Variants in GYS2 observed in about 807,000 individuals in gnomAD.
GYS2 encodes the protein glycogen [starch] synthase, liver.
In GYS2, 80 loss-of-function variants were observed where a neutral mutation model predicts 85.6. That is an observed-to-expected ratio of 0.93 (90% confidence interval 0.78 to 1.13). GYS2 has a LOEUF of 1.13. Ranked by LOEUF, GYS2 falls within the 50% of genes most tolerant of loss-of-function variation. The pLI, the probability that GYS2 is intolerant of heterozygous loss-of-function variation, is 0.00. For missense variants in GYS2, 881 were observed against 854.9 expected (o/e 1.03, Z -0.38); for synonymous variants, 328 against 300.7 (o/e 1.09, Z -0.94).
intron 2 of GYS2, among the ~76,000 whole-genome samples, chr12:21,576,598 G>A (rs1944449895): frequency 6.6e-6 from 1 of 152,060 alleles, no homozygotes; most frequent in Non-Finnish European, 1.5e-5. Context: ...TGCTGCCAGA[G>A]GTTTAACTAA....
At chr12:21,552,511 A>T (rs1041546418) in intron 11 of GYS2, among the ~76,000 whole-genome samples, 1 of 152,194 alleles carries the variant, frequency 6.6e-6, no homozygotes, top group South Asian at 2.1e-4. Flanking sequence ...TTATTGCCAA[A>T]TTTTTGAAGA....
chr12:21,563,584 G>A (rs967395495), intron 5 of GYS2, among the ~76,000 whole-genome samples: 1 of 152,068 alleles, frequency 6.6e-6, no homozygotes, highest in Non-Finnish European at 1.5e-5. Context: ...TAACAATGAA[G>A]CACTGGTACA....
intron 1 of GYS2, among the ~76,000 whole-genome samples, chr12:21,603,604 G>A (rs369688240): frequency 8.5e-5 from 13 of 152,156 alleles, no homozygotes; most frequent in South Asian, 8.3e-4. Context: ...ATTTCAGATC[G>A]TTTAAATCAC....
Position 21,580,221 on chromosome 12 carries a change from C to T in GYS2, c.303+121G>A, listed in dbSNP as rs980080408. ...TTAAAAGCAAGTTCATCATCTTTCT[C>T]ACAAACCTGAAAGTTTTCCTTAAGT... On this transcript the variant is annotated intron_variant, in intron 2 of 15. Transcript: ENST00000261195. 6.6e-6 allele frequency: 6 copies of T among 911,826 alleles called. No homozygotes were observed. The African/African-American group carries it at 9.7e-5, about 15-fold the overall frequency. 56.5% of individuals were successfully genotyped at this position (911,826 alleles called of 1,614,324 possible). A position where few individuals can be genotyped will look rare whatever the true frequency, so the allele number is the denominator to read the frequency against.
At position 21,536,801 on chromosome 12, in the gene GYS2, T is replaced by G. The variant is rs1325702759; in HGVS notation, c.*153A>C. 1.5e-6 allele frequency: 1 copy of G among 646,944 alleles called. No homozygotes were observed. The highest frequency in any genetic ancestry group is 1.8e-5 in the African/African-American group (1 of 55,024). 40.1% of individuals were successfully genotyped at this position (646,944 alleles called of 1,614,324 possible). On this transcript the variant is annotated 3_prime_UTR_variant, in exon 16 of 16. Coordinates refer to ENST00000261195, the MANE Select transcript of GYS2 (RefSeq NM_021957.4). ...TGGATCTTATCCTAAATTACAAAAT[T>G]GTCATTCACTCAATTTCTTCCACTT...
chr12:21,548,850 C>T (rs2136855410), intron 11 of GYS2, among the ~76,000 whole-genome samples: 1 of 152,052 alleles, frequency 6.6e-6, no homozygotes, highest in Non-Finnish European at 1.5e-5. Flanking sequence ...GTATTTTGCC[C>T]AACATGCTAT....
chr12:21,560,995 T>C (rs1183943051), intron 7 of GYS2, among the ~76,000 whole-genome samples: 1 of 152,204 alleles, frequency 6.6e-6, no homozygotes, highest in Non-Finnish European at 1.5e-5. Context: ...GACAGATAGA[T>C]TATTTTTACT....
intron 1 of GYS2, among the ~76,000 whole-genome samples, chr12:21,582,051 A>C (rs1944515754): frequency 6.6e-6 from 1 of 151,826 alleles, no homozygotes; most frequent in African/African-American, 2.4e-5. Context: ...GAATCAACAG[A>C]GTAAACGGAT....
intron 13 of GYS2, 52 bp downstream of exon 13, chr12:21,542,444 T>A: frequency 9.3e-7 from 1 of 1,073,848 alleles, no homozygotes; most frequent in Non-Finnish European, 1.5e-6. Flanking sequence ...CTGTGCTTTG[T>A]TTGGTTAGAG....
At chr12:21,578,783 C>A (rs941548973) in intron 2 of GYS2, among the ~76,000 whole-genome samples, 3 of 152,058 alleles carry the variant, frequency 2.0e-5, no homozygotes, top group African/African-American at 7.2e-5. Context: ...CTTCCCCATT[C>A]TCAGCGACTT....
Position 21,544,646 on chromosome 12 carries a change from A to G in GYS2, c.1549+1698T>C, listed in dbSNP as rs1387733524. Among the ~76,000 whole-genome samples the G allele has an allele frequency of 2.6e-5, 4 of 152,344 alleles. No individual in the cohort carries two copies. In the East Asian group the frequency reaches 7.7e-4, roughly 29 times the overall value. On this transcript the variant is annotated intron_variant, in intron 12 of 15. Coordinates refer to ENST00000261195, the MANE Select transcript of GYS2 (RefSeq NM_021957.4). Reference sequence around the variant, plus strand: ...GTATCTCAAAAGATAGTGCATTGCAAGCAATTTGAGATATTTATGTGGACA... The same window carrying G: ...GTATCTCAAAAGATAGTGCATTGCAGGCAATTTGAGATATTTATGTGGACA...
At chr12:21,553,450 G>A (rs1436324231) in intron 11 of GYS2, among the ~76,000 whole-genome samples, 1 of 152,178 alleles carries the variant, frequency 6.6e-6, no homozygotes, top group Admixed American at 6.5e-5. Flanking sequence ...TTGACTGACA[G>A]CACCAATTGC....
In GYS2 at chr12:21,595,066, A is replaced by C. The variant is rs1944679940; in HGVS notation, c.121+9406T>G. On this transcript the variant is annotated intron_variant, in intron 1 of 15. Transcript: ENST00000261195. ...ATTGGATATCCATGTGCAAAAGAAT[A>C]AAACTGGACTGCTGATATGGTTTGG... 2.0e-5 allele frequency among the ~76,000 whole-genome samples: 3 copies of C among 152,204 alleles called. No homozygotes were observed. In the South Asian group the frequency reaches 6.2e-4, roughly 32 times the overall value.
intron 7 of GYS2, among the ~76,000 whole-genome samples, chr12:21,562,593 A>G (rs1193086463): frequency 1.3e-5 from 2 of 151,112 alleles, no homozygotes; most frequent in African/African-American, 4.9e-5. Context: ...ATTGATTACA[A>G]ACTCATGTGA....
Position 21,576,012 on chromosome 12 carries a change from G to A in GYS2, c.349C>T (p.Leu117Phe). ...WLIEGSPYVV[L>F]FDIGYSAWNL... is the part of the protein sequence containing the mutation. ...CAAGCTGAATAGCCTATGTCAAAAA[G>A]TACCACATAAGGACTTCCTTCTATC... The change falls in exon 3 of 16, where the codon CTT becomes TTT. Residue 117 changes from leucine (L) to phenylalanine (F), a missense_variant. Transcript: ENST00000261195. 1 of 1,613,718 alleles carries A rather than the reference G, an allele frequency of 6.2e-7. No individual in the cohort carries two copies. Among genetic ancestry groups the A allele is most frequent in the Non-Finnish European group, 8.5e-7 (1 of 1,179,824 alleles).
At chr12:21,559,038 T>C in intron 10 of GYS2, 53 bp downstream of exon 10, 2 of 1,016,046 alleles carry the variant, frequency 2.0e-6, no homozygotes, top group South Asian at 1.3e-5. Flanking sequence ...AAAATACTGA[T>C]TAGATAGAAT....
intron 1 of GYS2, among the ~76,000 whole-genome samples, chr12:21,584,781 C>T (rs1186240290): frequency 1.3e-5 from 2 of 152,118 alleles, no homozygotes; most frequent in African/African-American, 4.8e-5. Flanking sequence ...AATGCTTATG[C>T]CAAGACTACC....
downstream of GYS2, among the ~76,000 whole-genome samples, chr12:21,535,329 A>G (rs1304739008): frequency 6.6e-6 from 1 of 152,188 alleles, no homozygotes; most frequent in Non-Finnish European, 1.5e-5. Context: ...TGGTTATTGT[A>G]ACAGTGAACC....
chr12:21,577,268 G>A (rs1273599762), intron 2 of GYS2, among the ~76,000 whole-genome samples: 1 of 152,174 alleles, frequency 6.6e-6, no homozygotes, highest in African/African-American at 2.4e-5. Flanking sequence ...TTTATACACT[G>A]TGAATAACAT....
Sources: gnomAD v4.1 joint callset for allele counts (sites outside exome capture counted in the v4.1 genomes callset) on GRCh38, gnomAD v4.1.1 for gene constraint, MANE v1.5 for transcripts, NCBI Gene and HGNC (gene_info 2026-07-23, HGNC 2026-07-21) for gene names.